The following RAB2A variants were observed in gnomAD, a reference collection of about 807,000 sequenced individuals.
The protein encoded by RAB2A is ras-related protein Rab-2A.
RAB2A carries 7 observed loss-of-function variants against 32.5 expected under a neutral mutation model. The ratio of observed to expected loss-of-function variants is 0.22; its 90% CI spans 0.12 to 0.40. The LOEUF is 0.40. RAB2A is among the 10% of genes least tolerant of loss of function. The pLI, the probability that RAB2A is intolerant of heterozygous loss-of-function variation, is 1.00. For synonymous variants in RAB2A, 79 were observed against 85.2 expected, an observed-to-expected ratio of 0.93 and a Z score of 0.40; for missense variants, 108 against 260.7, an observed-to-expected ratio of 0.41 and a Z score of 4.03.
At chr8:60,539,136 A>G (rs934515199) in intron 1 of RAB2A, among the ~76,000 whole-genome samples, 1 of 152,216 alleles carries the variant, frequency 6.6e-6, no homozygotes, top group Non-Finnish European at 1.5e-5. Context: ...TTCCCTGAGC[A>G]TCTGCTTTTA....
At chr8:60,607,817 C>T (rs1277098071) in intron 6 of RAB2A, among the ~76,000 whole-genome samples, 1 of 152,186 alleles carries the variant, frequency 6.6e-6, no homozygotes. Context: ...GTGCTGTCTC[C>T]TCCCATTTCC....
chr8:60,576,186 T>C (rs1217907402), intron 3 of RAB2A: 1 of 456,088 alleles, frequency 2.2e-6, no homozygotes, highest in East Asian at 6.9e-5. Context: ...TACTTTTCTT[T>C]CATTTATTAA....
At position 60,556,208 on chromosome 8, in the gene RAB2A, G is replaced by A. The variant is rs148583064; in HGVS notation, c.47-2644G>A. Among the ~76,000 whole-genome samples the A allele has an allele frequency of 1.3e-3, 202 of 152,206 alleles. 1 individual carries two copies. The highest frequency in any genetic ancestry group is 4.6e-3 in the African/African-American group (192 of 41,540). On this transcript the variant is annotated intron_variant, in intron 1 of 7. Coordinates refer to ENST00000262646, the MANE Select transcript of RAB2A (RefSeq NM_002865.3). ...AGTAGAATTGTGGGTATTAGAGGCC[G>A]GGAAGGGTAGGGGAAAGGTGAGGAT...
intron 5 of RAB2A, among the ~76,000 whole-genome samples, chr8:60,591,339 A>G (rs928689111): frequency 4.1e-5 from 6 of 145,532 alleles, no homozygotes; most frequent in African/African-American, 7.7e-5. Flanking sequence ...CTCTCTGTCT[A>G]TATCAATTTT....
At chr8:60,594,656 C>T (rs959511655) in intron 6 of RAB2A, among the ~76,000 whole-genome samples, 13 of 152,120 alleles carry the variant, frequency 8.5e-5, no homozygotes, top group East Asian at 1.9e-4. Flanking sequence ...CAACAGGCCC[C>T]GGTGTGTGAT....
chr8:60,570,442 C>A (rs939851458), intron 2 of RAB2A, among the ~76,000 whole-genome samples: 10 of 152,118 alleles, frequency 6.6e-5, no homozygotes, highest in African/African-American at 2.2e-4. Context: ...CTGTATCTTA[C>A]TTAGCAGCTG....
chr8:60,563,666 ATTTCAG>A (rs1808060595), intron 2 of RAB2A, among the ~76,000 whole-genome samples: 3 of 152,318 alleles, frequency 2.0e-5, no homozygotes, highest in African/African-American at 7.2e-5. Context: ...ATCTGGAACC[ATTTCAG>A]AATTTAGTTT....
chr8:60,566,520 GCAAAAATTA>G (rs1808116230), intron 2 of RAB2A, among the ~76,000 whole-genome samples: 1 of 151,818 alleles, frequency 6.6e-6, no homozygotes, highest in Non-Finnish European at 1.5e-5. Context: ...CTTGCTGTAT[GCAAAAATTA>G]CATACAATGT....
chr8:60,563,824 C>G (rs557950433), intron 2 of RAB2A, among the ~76,000 whole-genome samples: 4 of 152,298 alleles, frequency 2.6e-5, no homozygotes, highest in Admixed American at 2.6e-4. Flanking sequence ...TGTGTTGCTA[C>G]TTTCCTCCTT....
intron 2 of RAB2A, among the ~76,000 whole-genome samples, chr8:60,562,642 T>C (rs1260851967): frequency 6.6e-6 from 1 of 152,214 alleles, no homozygotes; most frequent in Non-Finnish European, 1.5e-5. Context: ...GAGGTAATGA[T>C]ACTTAAAAAA....
At chr8:60,607,141 T>G (rs542985859) in intron 6 of RAB2A, among the ~76,000 whole-genome samples, 1 of 151,102 alleles carries the variant, frequency 6.6e-6, no homozygotes, top group Non-Finnish European at 1.5e-5. Flanking sequence ...TTTTTAAGAT[T>G]TTTTTGGGCC....
At chr8:60,586,150 A>T (rs1803842850) in intron 5 of RAB2A, among the ~76,000 whole-genome samples, 1 of 152,140 alleles carries the variant, frequency 6.6e-6, no homozygotes, top group East Asian at 1.9e-4. Context: ...AAATTTTAAA[A>T]TTTAGCTAGA....
At chr8:60,578,374 G>A (rs902925041) in intron 3 of RAB2A, among the ~76,000 whole-genome samples, 3 of 152,206 alleles carry the variant, frequency 2.0e-5, no homozygotes, top group Non-Finnish European at 4.4e-5. Flanking sequence ...ATAACTATGG[G>A]CTGTGGTAGA....
At chr8:60,538,237 A>G (rs1396133678) in intron 1 of RAB2A, among the ~76,000 whole-genome samples, 2 of 152,242 alleles carry the variant, frequency 1.3e-5, no homozygotes, top group African/African-American at 2.4e-5. Flanking sequence ...CTGCACTTGA[A>G]GACAAACTAT....
chr8:60,600,066 T>TA (rs36105307), intron 6 of RAB2A, among the ~76,000 whole-genome samples: 3,583 of 139,872 alleles, frequency 0.026, 81 homozygotes, highest in African/African-American at 0.062. Flanking sequence ...TACTCGGTAG[T>TA]AAAAAAAAAA....
chr8:60,612,925 A>G (rs1023916919), intron 6 of RAB2A, among the ~76,000 whole-genome samples: 1 of 152,172 alleles, frequency 6.6e-6, no homozygotes, highest in African/African-American at 2.4e-5. Context: ...GCCTTGAAAT[A>G]CAGTTTAAAA....
At chr8:60,598,566 A>G (rs1804070283) in intron 6 of RAB2A, among the ~76,000 whole-genome samples, 1 of 150,312 alleles carries the variant, frequency 6.7e-6, no homozygotes, top group African/African-American at 2.5e-5. Flanking sequence ...GTATATATAC[A>G]TCATGGCCAC....
rs1804548234 is a variant in RAB2A at position 60,622,677 on chromosome 8, T to G, written c.*1908T>G. On this transcript the variant is annotated 3_prime_UTR_variant, in exon 8 of 8. Transcript: ENST00000262646. Reference sequence around the variant, plus strand: ...ATACTTTCTCCCCTAATTCTTTTATTTGAAGAAGAGAACTTAATGGCAAAT... The same window carrying G: ...ATACTTTCTCCCCTAATTCTTTTATGTGAAGAAGAGAACTTAATGGCAAAT... 1 of 152,208 alleles carries G rather than the reference T, an allele frequency of 6.6e-6. No individual in the cohort carries two copies. 9.4% of individuals were successfully genotyped at this position (152,208 alleles called of 1,614,324 possible).
At chr8:60,547,841 C>A (rs1447926842) in intron 1 of RAB2A, among the ~76,000 whole-genome samples, 3 of 121,894 alleles carry the variant, frequency 2.5e-5, no homozygotes, top group East Asian at 5.2e-4. Flanking sequence ...CTGACCCCCC[C>A]ACCTCCCTCC....
Sources: gnomAD v4.1 joint callset for allele counts (sites outside exome capture counted in the v4.1 genomes callset) on GRCh38, gnomAD v4.1.1 for gene constraint, MANE v1.5 for transcripts, NCBI Gene and HGNC (gene_info 2026-07-23, HGNC 2026-07-21) for gene names.